Variants in STARD13 observed in about 807,000 individuals in gnomAD.
STARD13 encodes the protein stAR-related lipid transfer protein 13.
In STARD13, 62 loss-of-function variants were observed where a neutral mutation model predicts 106.4. That is an observed-to-expected ratio of 0.58 (90% CI 0.48 to 0.72). The LOEUF is 0.72. Ranked by LOEUF, STARD13 falls within the 30% of genes least tolerant of loss-of-function variation. STARD13 has a pLI of 0.00. For missense variants in STARD13, 1,387 were observed against 1,424.0 expected (o/e 0.97, Z 0.42); for synonymous variants, 565 against 553.0 (o/e 1.02, Z -0.31).
the STARD13 span, among the ~76,000 whole-genome samples, chr13:33,430,476 G>T: frequency 6.6e-6 from 1 of 152,274 alleles, no homozygotes; most frequent in East Asian, 1.9e-4. Context: ...TATAAGGTTG[G>T]TGGAAATGTA....
At chr13:33,350,743 G>T, upstream of STARD13, 2 of 859,496 alleles carry the variant, frequency 2.3e-6, no homozygotes, top group Non-Finnish European at 2.8e-6. Flanking sequence ...CCCCCTGGCT[G>T]CCTCGCGCCC....
At chr13:33,465,559 G>A in the STARD13 span, among the ~76,000 whole-genome samples, 3 of 152,056 alleles carry the variant, frequency 2.0e-5, no homozygotes, top group Non-Finnish European at 1.5e-5. Context: ...ATCAGATAAT[G>A]TTCCTCCCCA....
the STARD13 span, among the ~76,000 whole-genome samples, chr13:33,513,676 GATTTTTTTTC>G: frequency 1.3e-5 from 2 of 152,044 alleles, no homozygotes; most frequent in African/African-American, 2.4e-5. Context: ...ACAAAGTTTA[GATTTTTTTTC>G]ATGCTATGCC....
the STARD13 span, among the ~76,000 whole-genome samples, chr13:33,403,629 G>A: frequency 6.6e-6 from 1 of 152,190 alleles, no homozygotes; most frequent in African/African-American, 2.4e-5. Context: ...AATAAGAGGT[G>A]AAACCTAGAC....
At chr13:33,425,303 T>A in the STARD13 span, among the ~76,000 whole-genome samples, 1 of 152,186 alleles carries the variant, frequency 6.6e-6, no homozygotes, top group African/African-American at 2.4e-5. Flanking sequence ...CTAGGAACTG[T>A]CAGACCTGGC....
chr13:33,270,254 A>T (rs768725314), intron 1 of STARD13, among the ~76,000 whole-genome samples: 4 of 152,166 alleles, frequency 2.6e-5, no homozygotes, highest in Non-Finnish European at 4.4e-5. Context: ...CAAAAAAACA[A>T]AACAAAACAG....
At chr13:33,515,550 G>C in the STARD13 span, among the ~76,000 whole-genome samples, 19,858 of 152,120 alleles carry the variant, frequency 0.13, 3,784 homozygotes, top group African/African-American at 0.42. Flanking sequence ...GCACTAGAAA[G>C]TGGGGACCAT....
At chr13:33,597,570 G>T in the STARD13 span, among the ~76,000 whole-genome samples, 1 of 151,998 alleles carries the variant, frequency 6.6e-6, no homozygotes, top group African/African-American at 2.4e-5. Flanking sequence ...TTGCAACCAG[G>T]CGCGGTGGCT....
At chr13:33,644,584 G>A in the STARD13 span, among the ~76,000 whole-genome samples, 4 of 152,140 alleles carry the variant, frequency 2.6e-5, no homozygotes, top group African/African-American at 9.7e-5. Flanking sequence ...GGCAGAGAGA[G>A]TTGAAGAGGC....
chr13:33,473,200 T>A, the STARD13 span, among the ~76,000 whole-genome samples: 6 of 152,122 alleles, frequency 3.9e-5, no homozygotes, highest in African/African-American at 1.4e-4. Flanking sequence ...TTCAGAGAGA[T>A]GAATCTGGTG....
intron 1 of STARD13, among the ~76,000 whole-genome samples, chr13:33,182,606 CA>C (rs1299858669): frequency 6.6e-6 from 1 of 151,924 alleles, no homozygotes; most frequent in Non-Finnish European, 1.5e-5. Context: ...AAAAAAATTA[CA>C]AAAAAAATCT....
chr13:33,117,920 T>C (rs1875629969), intron 8 of STARD13, 145 bp downstream of exon 8: 6 of 1,414,066 alleles, frequency 4.2e-6, no homozygotes, highest in Middle Eastern at 2.6e-4. Flanking sequence ...TGAGCAAAAG[T>C]TACTTCCGTA....
intron 1 of STARD13, among the ~76,000 whole-genome samples, chr13:33,181,989 C>T (rs1267964408): frequency 6.6e-6 from 1 of 152,190 alleles, no homozygotes; most frequent in Non-Finnish European, 1.5e-5. Context: ...GTCAGTCATA[C>T]CTGAGAATAA....
chr13:33,174,342 C>A (rs1421429848), intron 1 of STARD13, among the ~76,000 whole-genome samples: 4 of 152,020 alleles, frequency 2.6e-5, no homozygotes, highest in African/African-American at 9.7e-5. Context: ...CACAGTGACG[C>A]CCTGCCCTTT....
chr13:33,285,458 C>A lies in STARD13; in HGVS notation c.169+12G>T. On this transcript the variant is annotated intron_variant, in intron 1 of 13. Coordinates refer to ENST00000336934, the MANE Select transcript of STARD13 (RefSeq NM_178006.4). ...CAGAATGAGCAACAGCCTTCCACTG[C>A]CGGCCACTCACCTTGTTGAATTTTA... is the stretch of plus-strand genomic sequence containing the variant. 1 of 1,609,860 alleles carries A rather than the reference C, an allele frequency of 6.2e-7. No homozygotes were observed. Among genetic ancestry groups the A allele is most frequent in the Non-Finnish European group, 8.5e-7 (1 of 1,177,276 alleles).
intron 1 of STARD13, among the ~76,000 whole-genome samples, chr13:33,284,489 T>C (rs2138411956): frequency 6.6e-6 from 1 of 152,304 alleles, no homozygotes; most frequent in East Asian, 1.9e-4. Flanking sequence ...ATAATTTCTT[T>C]TTTTGTTGTG....
At chr13:33,211,744 A>G (rs537872896) in intron 1 of STARD13, among the ~76,000 whole-genome samples, 3 of 152,242 alleles carry the variant, frequency 2.0e-5, no homozygotes, top group East Asian at 1.9e-4. Flanking sequence ...TTAAAATAAC[A>G]TATTTTTCAA....
chr13:33,567,976 T>G, the STARD13 span, among the ~76,000 whole-genome samples: 11 of 148,236 alleles, frequency 7.4e-5, 1 homozygote, highest in African/African-American at 2.5e-4. Flanking sequence ...TGGGTTTGCT[T>G]TTCTTCTTTA....
the STARD13 span, among the ~76,000 whole-genome samples, chr13:33,501,221 C>T: frequency 5.9e-3 from 898 of 151,630 alleles, 7 homozygotes; most frequent in African/African-American, 0.019. Context: ...GGATTACAGG[C>T]ACCCACTGCC....
Sources: allele counts gnomAD v4.1 joint callset (sites outside exome capture counted in the v4.1 genomes callset), GRCh38; gene constraint gnomAD v4.1.1; transcripts MANE v1.5; gene names NCBI Gene and HGNC (gene_info 2026-07-23, HGNC 2026-07-21).